Variants in LTF observed in about 807,000 individuals in gnomAD.
LTF encodes epididymis luminal protein 110.
A neutral mutation model predicts 87.2 loss-of-function variants in LTF; 91 were observed. That is an observed-to-expected ratio of 1.04 (90% CI 0.88 to 1.24). The LOEUF (loss-of-function observed/expected upper bound fraction) is 1.24. Among genes scored for constraint, LTF ranks in the 50% most tolerant of loss-of-function variants. LTF has a pLI of 0.00. For missense variants in LTF, 901 were observed against 904.3 expected, an observed-to-expected ratio of 1.00 and a Z score of 0.05; for synonymous variants, 378 against 356.1, an observed-to-expected ratio of 1.06 and a Z score of -0.69.
chr3:46,480,707 G>A (rs1703420687), intron 1 of LTF, among the ~76,000 whole-genome samples: 1 of 152,182 alleles, frequency 6.6e-6, no homozygotes, highest in Non-Finnish European at 1.5e-5. Context: ...TGCAGCTTTG[G>A]ACAATGTTGA....
At chr3:46,441,174 T>G (rs1290589078) in intron 14 of LTF, among the ~76,000 whole-genome samples, 1 of 90,900 alleles carries the variant, frequency 1.1e-5, no homozygotes, top group African/African-American at 3.6e-5. Context: ...TGTGTGAGAG[T>G]GAGTGTGTGT....
At chr3:46,462,021 C>T (rs1433880292) in intron 1 of LTF, among the ~76,000 whole-genome samples, 1 of 152,140 alleles carries the variant, frequency 6.6e-6, no homozygotes, top group Non-Finnish European at 1.5e-5. Context: ...TTTGGGGACA[C>T]CTAGCTGCCA....
At chr3:46,447,855 A>G (rs1250047326) in intron 9 of LTF, among the ~76,000 whole-genome samples, 2 of 152,220 alleles carry the variant, frequency 1.3e-5, no homozygotes, top group Non-Finnish European at 2.9e-5. Context: ...CCAGGCTACA[A>G]CACAGGATCA....
intron 1 of LTF, chr3:46,463,338 T>C (rs1047335784): frequency 9.2e-6 from 4 of 434,310 alleles, no homozygotes; most frequent in Non-Finnish European, 1.2e-5. Flanking sequence ...CTGCTCAGAC[T>C]GATGGGAAAC....
chr3:46,441,332 TC>T, intron 14 of LTF, 83 bp downstream of exon 14: 1 of 1,113,108 alleles, frequency 9.0e-7, no homozygotes, highest in Non-Finnish European at 1.3e-6. Context: ...TATAAAACCT[TC>T]CCAAAGGCAA....
chr3:46,469,828 G>A (rs1264860663), upstream of LTF, among the ~76,000 whole-genome samples: 1 of 152,184 alleles, frequency 6.6e-6, no homozygotes, highest in Non-Finnish European at 1.5e-5. Context: ...TCTGCTGAAG[G>A]GCAGCAGGCA....
At chr3:46,441,510 T>C in intron 13 of LTF, 27 bp from the exon 14 acceptor site, 5 of 1,555,774 alleles carry the variant, frequency 3.2e-6, no homozygotes, top group South Asian at 1.1e-5. Context: ...AATATACACA[T>C]AATTACAGAA....
At chr3:46,444,279 T>C (rs1308254006) in intron 12 of LTF, among the ~76,000 whole-genome samples, 3 of 152,186 alleles carry the variant, frequency 2.0e-5, no homozygotes, top group African/African-American at 7.2e-5. Context: ...CCAGACCCCA[T>C]ATTGTCTTCA....
At chr3:46,467,648 T>TC (rs1314125420), upstream of LTF, among the ~76,000 whole-genome samples, 1 of 145,072 alleles carries the variant, frequency 6.9e-6, no homozygotes, top group African/African-American at 2.6e-5. Context: ...TCTTTTCTTT[T>TC]TTTTTTTTTT....
intron 1 of LTF, among the ~76,000 whole-genome samples, chr3:46,471,907 G>A (rs902529530): frequency 6.6e-6 from 1 of 152,164 alleles, no homozygotes; most frequent in Non-Finnish European, 1.5e-5. Flanking sequence ...GGGCCATGGG[G>A]ACAATTCCCC....
chr3:46,439,200 G>A lies in LTF; in HGVS notation c.1908+96C>T, dbSNP rs1702455134. On this transcript the variant is annotated intron_variant, in intron 15 of 16. Coordinates refer to ENST00000231751, the MANE Select transcript of LTF (RefSeq NM_002343.6). ...CATGAGCTTCAAGTAGAGGACTAGA[G>A]AGGATCGAGTGGGCTGGTGCACCTA... 1.8e-5 allele frequency: 21 copies of A among 1,190,268 alleles called. No homozygotes were observed. In the South Asian group the frequency reaches 3.0e-4, roughly 17 times the overall value. 73.7% of individuals were successfully genotyped at this position (1,190,268 alleles called of 1,614,324 possible).
Position 46,454,345 on chromosome 3 carries a change from C to T in LTF, c.663G>A (p.Gly221=), listed in dbSNP as rs370089651. The change falls in exon 6 of 17, where the codon GGG becomes GGA. Residue 221 remains glycine (G), a synonymous_variant. Coordinates refer to ENST00000231751, the MANE Select transcript of LTF (RefSeq NM_002343.6). ...YSGAFKCLRD[G]AGDVAFIRES... is the part of the protein sequence containing the mutation. ...CTCTGATAAAAGCCACGTCTCCAGCCCCGTCTCTCAGACACCTGTGAAAAG... is the reference window on the plus strand; with the variant it reads ...CTCTGATAAAAGCCACGTCTCCAGCTCCGTCTCTCAGACACCTGTGAAAAG... The T allele has an allele frequency of 6.2e-7, 1 of 1,614,158 alleles. No individual in the cohort carries two copies. Among genetic ancestry groups the T allele is most frequent in the South Asian group, 1.1e-5 (1 of 91,082 alleles).
chr3:46,436,318 G>T, intron 16 of LTF, 89 bp from the exon 17 acceptor site: 16 of 1,196,558 alleles, frequency 1.3e-5, no homozygotes, highest in South Asian at 2.4e-5. Context: ...AGAATACTAA[G>T]AGTTTTCTCT....
At chr3:46,480,644 T>C (rs1174893958) in intron 1 of LTF, among the ~76,000 whole-genome samples, 2 of 152,234 alleles carry the variant, frequency 1.3e-5, no homozygotes, top group Admixed American at 6.5e-5. Context: ...GAAATGTGTG[T>C]CCCAGCTACA....
Position 46,439,360 on chromosome 3 carries a change from T to C in LTF, c.1844A>G (p.Asn615Ser). 1 of 1,614,236 alleles carries C rather than the reference T, an allele frequency of 6.2e-7. No homozygotes were observed. Residue 615 changes from asparagine to serine, a missense_variant, in exon 15 of 17, where the codon AAT (asparagine) becomes AGT (serine). By Grantham distance (46) the Asn-to-Ser change is conservative (BLOSUM62 1). Coordinates refer to ENST00000231751, the MANE Select transcript of LTF (RefSeq NM_002343.6). The stretch of plus-strand genomic sequence containing the variant: ...ATCCATCCGAGACACCACGGCATGA[T>C]TCGGGGCCATGGCAAGATGGCAGCT... The part of the protein sequence containing the change: ...ARSCHLAMAP[N>S]HAVVSRMDKV...
At position 46,461,037 on chromosome 3, in the gene LTF, T is replaced by C. The variant is rs566200008; in HGVS notation, c.44-1218A>G. The stretch of plus-strand genomic sequence containing the variant: ...CATTTTACCAAAGAAGATATATGAA[T>C]GGACAATAAGCACATGAAAAGTGCT... On this transcript the variant is annotated intron_variant, in intron 1 of 16. Coordinates refer to ENST00000231751, the MANE Select transcript of LTF (RefSeq NM_002343.6). Among the ~76,000 whole-genome samples, 5 of 152,330 alleles carry C rather than the reference T, an allele frequency of 3.3e-5. No individual in the cohort carries two copies. The South Asian group carries it at 8.3e-4, about 25-fold the overall frequency.
upstream of LTF, among the ~76,000 whole-genome samples, chr3:46,465,316 G>A (rs961495288): frequency 1.3e-5 from 2 of 152,164 alleles, no homozygotes; most frequent in Non-Finnish European, 2.9e-5. Flanking sequence ...GCCAGTTAGG[G>A]CAGGTGGATT....
intron 6 of LTF, among the ~76,000 whole-genome samples, chr3:46,452,743 T>C (rs1427390720): frequency 6.6e-6 from 1 of 152,222 alleles, no homozygotes; most frequent in East Asian, 1.9e-4. Flanking sequence ...TGGTGTAGAA[T>C]TGGCTTCACA....
At chr3:46,454,119 G>A (rs574476512) in intron 6 of LTF, 186 bp downstream of exon 6, 1 of 619,038 alleles carries the variant, frequency 1.6e-6, no homozygotes, top group African/African-American at 1.8e-5. Flanking sequence ...AAAGGCAGTA[G>A]GCACAGGAGG....
Sources: allele counts gnomAD v4.1 joint callset (sites outside exome capture counted in the v4.1 genomes callset), GRCh38; gene constraint gnomAD v4.1.1; transcripts MANE v1.5; gene names NCBI Gene and HGNC (gene_info 2026-07-23, HGNC 2026-07-21).